The following SORCS2 variants were observed in gnomAD, a reference collection of about 807,000 sequenced individuals.
The protein encoded by SORCS2 is sortilin related VPS10 domain containing receptor 2.
Under a neutral mutation model 141.6 loss-of-function variants are expected in SORCS2, and 100 were observed. The ratio of observed to expected loss-of-function variants is 0.71; its 90% CI spans 0.60 to 0.83. The LOEUF is 0.83. SORCS2 is among the 40% of genes least tolerant of loss of function. SORCS2 has a pLI of 0.00. For missense variants in SORCS2, 1,646 were observed against 1,560.2 expected (o/e 1.05, Z -0.93); for synonymous variants, 789 against 676.9 (o/e 1.17, Z -2.57).
intron 2 of SORCS2, among the ~76,000 whole-genome samples, chr4:7,464,856 G>A (rs1729520937): frequency 6.6e-6 from 1 of 152,232 alleles, no homozygotes. Flanking sequence ...ATGCAGATGG[G>A]GAATGGGAGA....
At chr4:7,382,193 C>T (rs930244679) in intron 1 of SORCS2, among the ~76,000 whole-genome samples, 2 of 152,146 alleles carry the variant, frequency 1.3e-5, no homozygotes, top group Admixed American at 6.5e-5. Flanking sequence ...CTGATGGTGC[C>T]TGGAGCTGAG....
intron 2 of SORCS2, among the ~76,000 whole-genome samples, chr4:7,428,491 C>G (rs1577544676): frequency 6.6e-6 from 1 of 152,236 alleles, no homozygotes; most frequent in East Asian, 1.9e-4. Flanking sequence ...CGAGTAGAGT[C>G]AGTTATGGGG....
chr4:7,382,835 G>A (rs1188864900), intron 1 of SORCS2, among the ~76,000 whole-genome samples: 2 of 152,208 alleles, frequency 1.3e-5, no homozygotes, highest in South Asian at 2.1e-4. Context: ...CGGGGCCCAC[G>A]CCTCCTGCTG....
intron 1 of SORCS2, among the ~76,000 whole-genome samples, chr4:7,252,282 C>G (rs904190935): frequency 1.3e-5 from 2 of 151,964 alleles, no homozygotes; most frequent in African/African-American, 4.8e-5. Flanking sequence ...GAGGAAACTG[C>G]AGGAACTGAG....
intron 2 of SORCS2, among the ~76,000 whole-genome samples, chr4:7,487,214 AG>A (rs1013960072): frequency 1.1e-4 from 17 of 152,220 alleles, no homozygotes; most frequent in Admixed American, 1.1e-3. Context: ...AGATCTGCAA[AG>A]CCACTGGCAT....
chr4:7,466,727 G>A (rs1367719162), intron 2 of SORCS2, among the ~76,000 whole-genome samples: 1 of 152,192 alleles, frequency 6.6e-6, no homozygotes, highest in Admixed American at 6.5e-5. Context: ...CATACAGGGT[G>A]TGGAAGACGG....
chr4:7,470,289 C>T (rs568862425), intron 2 of SORCS2, among the ~76,000 whole-genome samples: 2 of 151,900 alleles, frequency 1.3e-5, no homozygotes, highest in African/African-American at 4.8e-5. Context: ...TCCCGTCCTC[C>T]CTTCCATCCA....
intron 3 of SORCS2, among the ~76,000 whole-genome samples, chr4:7,563,632 T>C (rs889578739): frequency 1.3e-5 from 2 of 152,244 alleles, no homozygotes; most frequent in Non-Finnish European, 2.9e-5. Flanking sequence ...AGATGCCATC[T>C]GCTTCTGCTT....
chr4:7,656,314 C>T (rs538520667), intron 5 of SORCS2, among the ~76,000 whole-genome samples: 1 of 152,168 alleles, frequency 6.6e-6, no homozygotes, highest in South Asian at 2.1e-4. Context: ...CCCACCCTGC[C>T]CTCAGTGTCT....
At chr4:7,668,678 T>G (rs1722635984) in intron 8 of SORCS2, among the ~76,000 whole-genome samples, 1 of 152,230 alleles carries the variant, frequency 6.6e-6, no homozygotes, top group African/African-American at 2.4e-5. Context: ...CTTAATAGAC[T>G]GAACTCCAGG....
intron 4 of SORCS2, among the ~76,000 whole-genome samples, chr4:7,649,328 G>T (rs1721284401): frequency 6.7e-6 from 1 of 149,926 alleles, no homozygotes; most frequent in Non-Finnish European, 1.5e-5. Flanking sequence ...TGAGCAGGAT[G>T]GCAGCCAGAG....
chr4:7,252,095 C>A (rs1713544109), intron 1 of SORCS2, among the ~76,000 whole-genome samples: 1 of 152,194 alleles, frequency 6.6e-6, no homozygotes, highest in Admixed American at 6.5e-5. Flanking sequence ...CCCTGCAGTA[C>A]CACCCTCAGC....
chr4:7,309,048 C>T (rs1232661186), intron 1 of SORCS2, among the ~76,000 whole-genome samples: 1 of 152,224 alleles, frequency 6.6e-6, no homozygotes, highest in African/African-American at 2.4e-5. Context: ...TCCCATCCTG[C>T]CCTGCACACT....
chr4:7,431,936 A>G (rs1314112323), intron 2 of SORCS2: 2 of 152,254 alleles, frequency 1.3e-5, no homozygotes, highest in Non-Finnish European at 2.9e-5. Flanking sequence ...GCCTCAGGTG[A>G]AATACCAGCT....
At chr4:7,551,171 G>A (rs1021476659) in intron 3 of SORCS2, among the ~76,000 whole-genome samples, 2 of 152,130 alleles carry the variant, frequency 1.3e-5, no homozygotes, top group African/African-American at 2.4e-5. Flanking sequence ...AATTCTTAAG[G>A]GAAAATTGGT....
chr4:7,721,718 G>C (rs1431758132), intron 18 of SORCS2, among the ~76,000 whole-genome samples: 1 of 152,210 alleles, frequency 6.6e-6, no homozygotes, highest in Non-Finnish European at 1.5e-5. Flanking sequence ...TGGGGTCCTA[G>C]TGCTGGCTGA....
intron 3 of SORCS2, among the ~76,000 whole-genome samples, chr4:7,591,019 C>T (rs1333182560): frequency 6.6e-6 from 1 of 152,198 alleles, no homozygotes; most frequent in Non-Finnish European, 1.5e-5. Flanking sequence ...GGCCACATGG[C>T]TGCATGGCTG....
At chr4:7,501,436 C>T (rs969252379) in intron 2 of SORCS2, among the ~76,000 whole-genome samples, 5 of 152,162 alleles carry the variant, frequency 3.3e-5, no homozygotes, top group East Asian at 1.9e-4. Flanking sequence ...CTGTAGGACA[C>T]GGTGCCATGA....
rs375993623 is a variant in SORCS2 at position 7,697,247 on chromosome 4, G to A, written c.1641G>A (p.Thr547=). The change falls in exon 12 of 27, where the codon ACG becomes ACA. Residue 547 remains threonine, a synonymous_variant. Coordinates refer to ENST00000507866, the MANE Select transcript of SORCS2 (RefSeq NM_020777.3). The part of the protein sequence containing the change: ...LVEYKEEMYI[T]SDCGHTWRQV... ...AATATAAAGAAGAAATGTACATCACGTCAGACTGTGGTCACACCTGGCGGC... is the reference window on the plus strand; with the variant it reads ...AATATAAAGAAGAAATGTACATCACATCAGACTGTGGTCACACCTGGCGGC... The A allele has an allele frequency of 2.0e-4, 325 of 1,591,322 alleles. No homozygotes were observed. Among genetic ancestry groups the A allele is most frequent in the Non-Finnish European group, 2.5e-4 (293 of 1,169,262 alleles).
Sources: allele counts gnomAD v4.1 joint callset (sites outside exome capture counted in the v4.1 genomes callset), GRCh38; gene constraint gnomAD v4.1.1; transcripts MANE v1.5; gene names NCBI Gene and HGNC (gene_info 2026-07-23, HGNC 2026-07-21).